The following IFT88 variants were observed in gnomAD, a reference collection of about 807,000 sequenced individuals.
IFT88 encodes intraflagellar transport 88.
In IFT88, 74 loss-of-function variants were observed where a neutral mutation model predicts 119.5. That is an observed-to-expected ratio of 0.62 (90% CI 0.51 to 0.75). The LOEUF is 0.75. Among genes scored for constraint, IFT88 ranks in the 30% least tolerant of loss-of-function variants. The pLI is 0.00. For missense variants in IFT88, 961 were observed against 977.7 expected (o/e 0.98, Z 0.23); for synonymous variants, 279 against 316.7 (o/e 0.88, Z 1.26).
chr13:20,670,168 T>C (rs572895310), intron 23 of IFT88, among the ~76,000 whole-genome samples: 12 of 152,212 alleles, frequency 7.9e-5, no homozygotes, highest in Non-Finnish European at 1.8e-4. Context: ...TTATTAAAGA[T>C]CTAAATAAAA....
At chr13:20,661,922 G>A (rs1237175355) in intron 22 of IFT88, among the ~76,000 whole-genome samples, 3 of 152,024 alleles carry the variant, frequency 2.0e-5, no homozygotes, top group Admixed American at 2.0e-4. Flanking sequence ...AAATGGGAGG[G>A]GTGCTGGCTG....
chr13:20,653,000 A>G (rs1205245897), intron 20 of IFT88, among the ~76,000 whole-genome samples: 1 of 152,248 alleles, frequency 6.6e-6, no homozygotes, highest in Non-Finnish European at 1.5e-5. Context: ...GAGAAGCAGA[A>G]AAGATCTAGA....
chr13:20,641,346 C>G lies in IFT88; in HGVS notation c.1630C>G (p.Leu544Val), dbSNP rs1407975381. 2 of 1,612,750 alleles carry G rather than the reference C, an allele frequency of 1.2e-6. No homozygotes were observed. Among genetic ancestry groups the G allele is most frequent in the Non-Finnish European group, 1.7e-6 (2 of 1,179,178 alleles). Residue 544 changes from leucine to valine, a missense_variant, in exon 18 of 26, where the codon CTT becomes GTT. Coordinates refer to ENST00000351808, the MANE Select transcript of IFT88 (RefSeq NM_006531.5). ...LDEALDCFLK[L>V]HAILRNSAEV... ...TGAGGCTTTGGACTGTTTCCTGAAACTTCACGCAATCCTACGAAACAGTGC... is the reference window on the plus strand; with the variant it reads ...TGAGGCTTTGGACTGTTTCCTGAAAGTTCACGCAATCCTACGAAACAGTGC...
chr13:20,618,314 T>C (rs2045962765), intron 14 of IFT88, among the ~76,000 whole-genome samples: 1 of 152,216 alleles, frequency 6.6e-6, no homozygotes, highest in South Asian at 2.1e-4. Context: ...CCCCACATCT[T>C]TCTCTGTAGA....
At chr13:20,626,099 TGCC>T (rs2047277491) in intron 15 of IFT88, among the ~76,000 whole-genome samples, 1 of 121,472 alleles carries the variant, frequency 8.2e-6, no homozygotes, top group Admixed American at 9.7e-5. Flanking sequence ...CTCGCTCTGT[TGCC>T]TAGGCTAGAG....
chr13:20,580,433 C>A (rs1459046076), intron 2 of IFT88, among the ~76,000 whole-genome samples: 7 of 152,180 alleles, frequency 4.6e-5, no homozygotes, highest in Non-Finnish European at 7.4e-5. Context: ...AGGAGAATAG[C>A]TTGAACCCAG....
chr13:20,676,109 A>C (rs1162463910), intron 24 of IFT88, among the ~76,000 whole-genome samples: 1 of 152,224 alleles, frequency 6.6e-6, no homozygotes, highest in East Asian at 1.9e-4. Flanking sequence ...CACATCACAG[A>C]GCATATGATG....
chr13:20,585,410 C>T (rs563795461), intron 3 of IFT88, among the ~76,000 whole-genome samples: 130 of 152,338 alleles, frequency 8.5e-4, no homozygotes, highest in African/African-American at 2.6e-3. Flanking sequence ...AAACAGAGAG[C>T]TTCTGATTGT....
intron 5 of IFT88, 115 bp from the exon 6 acceptor site, chr13:20,591,503 G>C (rs1217054575): frequency 7.8e-6 from 5 of 643,758 alleles, no homozygotes; most frequent in Non-Finnish European, 1.3e-5. Context: ...AACGTATAGT[G>C]ATTGAAAATC....
intron 14 of IFT88, among the ~76,000 whole-genome samples, chr13:20,621,540 A>T (rs1594309846): frequency 1.2e-4 from 2 of 16,922 alleles, no homozygotes; most frequent in African/African-American, 1.1e-4. Flanking sequence ...AAAAAAAAAA[A>T]AAAAAAAAAA....
rs187606123 is a variant in IFT88, at chr13:20,586,759, T to C, written c.154-3052T>C. Among the ~76,000 whole-genome samples the C allele has an allele frequency of 1.4e-4, 21 of 152,340 alleles. No individual in the cohort carries two copies. The East Asian group carries it at 3.7e-3, about 27-fold the overall frequency. On this transcript the variant is annotated intron_variant, in intron 3 of 25. Transcript: ENST00000351808. ...TTTTCTTAAGACCTGGAGCCAATCTTATCAAGCATGAGTTTAAGCCCTGAA... is the reference window on the plus strand; with the variant it reads ...TTTTCTTAAGACCTGGAGCCAATCTCATCAAGCATGAGTTTAAGCCCTGAA...
intron 24 of IFT88, among the ~76,000 whole-genome samples, chr13:20,688,783 G>A (rs1254476797): frequency 2.6e-5 from 4 of 152,128 alleles, no homozygotes; most frequent in Admixed American, 1.3e-4. Context: ...GCTGAGTGCA[G>A]TGGTGCTGTC....
At chr13:20,642,260 T>C (rs2050065883) in intron 18 of IFT88, 1 of 152,220 alleles carries the variant, frequency 6.6e-6, no homozygotes, top group African/African-American at 2.4e-5. Context: ...GTACCATTAA[T>C]AATTTTAAGT....
At chr13:20,653,080 G>A (rs2140518538) in intron 20 of IFT88, among the ~76,000 whole-genome samples, 1 of 152,330 alleles carries the variant, frequency 6.6e-6, no homozygotes, top group Middle Eastern at 3.4e-3. Flanking sequence ...GTTTTAAGGA[G>A]GGAAGTAATG....
chr13:20,660,457 AG>A (rs1381475140), intron 22 of IFT88, among the ~76,000 whole-genome samples: 4 of 152,248 alleles, frequency 2.6e-5, no homozygotes, highest in Admixed American at 2.0e-4. Context: ...TGTTTTCAAA[AG>A]GTTCTAAAGT....
intron 20 of IFT88, among the ~76,000 whole-genome samples, chr13:20,649,763 C>G (rs2051315231): frequency 6.6e-6 from 1 of 151,086 alleles, no homozygotes; most frequent in Non-Finnish European, 1.5e-5. Context: ...GAAGGACTAA[C>G]AAAAAAAAGA....
At chr13:20,639,742 C>A in intron 17 of IFT88, among the ~76,000 whole-genome samples, 1 of 141,946 alleles carries the variant, frequency 7.0e-6, no homozygotes, top group East Asian at 2.1e-4. Flanking sequence ...TTTCTAATTT[C>A]TTTTATCAGA....
intron 24 of IFT88, among the ~76,000 whole-genome samples, chr13:20,674,554 TA>T (rs1271283736): frequency 2.0e-5 from 3 of 151,990 alleles, no homozygotes; most frequent in Non-Finnish European, 4.4e-5. Flanking sequence ...GTCTTGGATA[TA>T]AACTTTTCCA....
chr13:20,592,331 T>G lies in IFT88; in HGVS notation c.329-4T>G. On this transcript the variant is annotated splice_region_variant and splice_polypyrimidine_tract_variant and intron_variant, in intron 6 of 25. Coordinates refer to ENST00000351808, the MANE Select transcript of IFT88 (RefSeq NM_006531.5). ...TGAATATTAACTCTTGAATTGTGTC[T>G]CAGGCTCTGCATTTGACCCCCTTAG... The G allele has an allele frequency of 6.2e-7, 1 of 1,606,750 alleles. No homozygotes were observed. Among genetic ancestry groups the G allele is most frequent in the Non-Finnish European group, 8.5e-7 (1 of 1,177,208 alleles).
Sources: gnomAD v4.1 joint callset for allele counts (sites outside exome capture counted in the v4.1 genomes callset) on GRCh38, gnomAD v4.1.1 for gene constraint, MANE v1.5 for transcripts, NCBI Gene and HGNC (gene_info 2026-07-23, HGNC 2026-07-21) for gene names.